Variants in DLGAP1 observed in about 807,000 individuals in gnomAD.
DLGAP1 encodes the protein disks large-associated protein 1.
Under a neutral mutation model 90.8 loss-of-function variants are expected in DLGAP1, and 11 were observed. That is an observed-to-expected ratio of 0.12 (90% CI 0.08 to 0.20). The LOEUF is 0.20. Among genes scored for constraint, DLGAP1 ranks in the 10% least tolerant of loss-of-function variants. The probability of loss-of-function intolerance (pLI) is 1.00; values close to 1 mark genes in which losing one functional copy is unlikely to be tolerated. For missense variants in DLGAP1, 1,050 were observed against 1,333.8 expected, an observed-to-expected ratio of 0.79 and a Z score of 3.31; for synonymous variants, 558 against 540.7, an observed-to-expected ratio of 1.03 and a Z score of -0.44.
chr18:3,561,266 C>CAAAAAAAAAA (rs71159092), intron 9 of DLGAP1, among the ~76,000 whole-genome samples: 1 of 110,480 alleles, frequency 9.1e-6, no homozygotes, highest in Non-Finnish European at 1.9e-5. Context: ...AAAAAAAAAA[C>CAAAAAAAAAA]AAAAAAAAAA....
intron 1 of DLGAP1, among the ~76,000 whole-genome samples, chr18:4,278,373 T>A (rs2079466600): frequency 6.6e-6 from 1 of 152,186 alleles, no homozygotes; most frequent in South Asian, 2.1e-4. Context: ...TCTGGGCTTC[T>A]AGAGAACCAT....
intron 2 of DLGAP1, among the ~76,000 whole-genome samples, chr18:4,076,470 G>C (rs2143542995): frequency 6.6e-6 from 1 of 152,124 alleles, no homozygotes; most frequent in South Asian, 2.1e-4. Context: ...GGAAAATAAA[G>C]GGTTTGCATC....
rs1217438166 is a variant in DLGAP1 at position 4,012,454 on chromosome 18, G to A, written c.-158-7253C>T. Among the ~76,000 whole-genome samples, 3 of 152,186 alleles carry A rather than the reference G, an allele frequency of 2.0e-5. No homozygotes were observed. The South Asian group carries it at 6.2e-4, about 32-fold the overall frequency. ...TAACTGCACCACAGCCTCACAACACGGAATGGCACTGTGGACAGTTTCAGC... is the reference window on the plus strand; with the variant it reads ...TAACTGCACCACAGCCTCACAACACAGAATGGCACTGTGGACAGTTTCAGC... On this transcript the variant is annotated intron_variant, in intron 2 of 12. Transcript: ENST00000315677.
At chr18:4,355,616 T>C (rs1598271231) in intron 1 of DLGAP1, among the ~76,000 whole-genome samples, 2 of 152,158 alleles carry the variant, frequency 1.3e-5, no homozygotes, top group South Asian at 4.1e-4. Context: ...CATATGTAAT[T>C]GGTGAAATTG....
At chr18:4,016,650 G>A (rs1245868450) in intron 2 of DLGAP1, among the ~76,000 whole-genome samples, 3 of 148,976 alleles carry the variant, frequency 2.0e-5, no homozygotes, top group Admixed American at 6.7e-5. Flanking sequence ...CAAGACCTGC[G>A]TAAGTGTTCC....
chr18:3,555,140 CAT>C (rs2053677644), intron 9 of DLGAP1, among the ~76,000 whole-genome samples: 1 of 152,122 alleles, frequency 6.6e-6, no homozygotes, highest in South Asian at 2.1e-4. Flanking sequence ...CCAGCAAAAT[CAT>C]AAAAGAATTA....
intron 3 of DLGAP1, among the ~76,000 whole-genome samples, chr18:3,954,813 A>G (rs907905853): frequency 2.0e-5 from 3 of 152,214 alleles, no homozygotes; most frequent in Admixed American, 6.5e-5. Flanking sequence ...TGTTTGCAAA[A>G]CACTGGACAT....
chr18:4,279,030 C>T (rs1286657663), intron 1 of DLGAP1, among the ~76,000 whole-genome samples: 2 of 152,176 alleles, frequency 1.3e-5, no homozygotes, highest in African/African-American at 4.8e-5. Context: ...TATTTTCTGG[C>T]TGAGAGAAGC....
chr18:4,200,533 A>G (rs72860626), intron 1 of DLGAP1, among the ~76,000 whole-genome samples: 7,076 of 151,724 alleles, frequency 0.047, 195 homozygotes, highest in Non-Finnish European at 0.068. Context: ...AGAAGGACAT[A>G]TTTTGCTGTT....
chr18:3,802,428 C>G (rs2066351058), intron 5 of DLGAP1, among the ~76,000 whole-genome samples: 1 of 152,164 alleles, frequency 6.6e-6, no homozygotes, highest in Non-Finnish European at 1.5e-5. Flanking sequence ...ACTTTCTATC[C>G]AAAGATGGCT....
intron 7 of DLGAP1, among the ~76,000 whole-genome samples, chr18:3,691,778 T>C (rs1190520079): frequency 1.3e-5 from 2 of 150,938 alleles, no homozygotes; most frequent in African/African-American, 4.9e-5. Flanking sequence ...TAGCTGAGAG[T>C]GGTGGCGGGC....
chr18:3,669,912 A>G (rs2146723136), intron 7 of DLGAP1, among the ~76,000 whole-genome samples: 2 of 152,302 alleles, frequency 1.3e-5, no homozygotes, highest in Middle Eastern at 6.8e-3. Context: ...CTGGGGCTTC[A>G]GCTGTAAACA....
At chr18:3,776,321 G>A (rs1288779068) in intron 5 of DLGAP1, among the ~76,000 whole-genome samples, 3 of 152,220 alleles carry the variant, frequency 2.0e-5, no homozygotes, top group African/African-American at 7.2e-5. Context: ...GGAGCTCTCT[G>A]TCTCCAGGGA....
intron 11 of DLGAP1, among the ~76,000 whole-genome samples, chr18:3,505,309 C>T (rs189296884): frequency 7.8e-4 from 118 of 152,208 alleles, no homozygotes; most frequent in Admixed American, 6.9e-3. Context: ...TTAGCTTTTC[C>T]GTGCCCATTT....
At chr18:4,220,996 T>C (rs1194614780) in intron 1 of DLGAP1, among the ~76,000 whole-genome samples, 1 of 152,176 alleles carries the variant, frequency 6.6e-6, no homozygotes, top group Non-Finnish European at 1.5e-5. Context: ...CAGTATTCAG[T>C]ACAGTCATAT....
At chr18:3,883,330 G>T (rs1468905356) in intron 3 of DLGAP1, among the ~76,000 whole-genome samples, 1 of 152,192 alleles carries the variant, frequency 6.6e-6, no homozygotes, top group Admixed American at 6.5e-5. Context: ...GAGAGGCCAG[G>T]TCTTGTCTAT....
intron 4 of DLGAP1, among the ~76,000 whole-genome samples, chr18:3,861,606 G>A (rs1053571089): frequency 6.6e-6 from 1 of 152,168 alleles, no homozygotes; most frequent in Non-Finnish European, 1.5e-5. Flanking sequence ...TGGATGAGAT[G>A]CCCTGCCCTT....
intron 4 of DLGAP1, among the ~76,000 whole-genome samples, chr18:3,864,777 T>A (rs1450685981): frequency 6.6e-6 from 1 of 152,182 alleles, no homozygotes; most frequent in Non-Finnish European, 1.5e-5. Flanking sequence ...ATGCACTGGA[T>A]ACCTGCAGCC....
chr18:4,028,880 G>A (rs2074747355), intron 2 of DLGAP1, among the ~76,000 whole-genome samples: 1 of 152,012 alleles, frequency 6.6e-6, no homozygotes, highest in South Asian at 2.1e-4. Context: ...TTTTTTCCAA[G>A]CAAGTAGCAT....
Sources: allele counts gnomAD v4.1 joint callset (sites outside exome capture counted in the v4.1 genomes callset), GRCh38; gene constraint gnomAD v4.1.1; transcripts MANE v1.5; gene names NCBI Gene and HGNC (gene_info 2026-07-23, HGNC 2026-07-21).